Variants in MAP2K4 observed in about 807,000 individuals in gnomAD.
MAP2K4 encodes mitogen-activated protein kinase kinase 4.
MAP2K4 carries 4 observed loss-of-function variants against 48.5 expected under a neutral mutation model. The ratio of observed to expected loss-of-function variants is 0.08; its 90% CI spans 0.04 to 0.19. MAP2K4 has a LOEUF of 0.19. MAP2K4 is among the 10% of genes least tolerant of loss of function. The pLI, the probability that MAP2K4 is intolerant of heterozygous loss-of-function variation, is 1.00. For missense variants in MAP2K4, 258 were observed against 493.3 expected, an observed-to-expected ratio of 0.52 and a Z score of 4.52; for synonymous variants, 166 against 173.1, an observed-to-expected ratio of 0.96 and a Z score of 0.32.
At chr17:12,101,589 AT>A (rs1327435666) in intron 4 of MAP2K4, among the ~76,000 whole-genome samples, 1 of 152,016 alleles carries the variant, frequency 6.6e-6, no homozygotes, top group Non-Finnish European at 1.5e-5. Context: ...TTTTATTGGG[AT>A]TTTTCTAATT....
chr17:12,097,252 T>C (rs1971785965), intron 4 of MAP2K4, among the ~76,000 whole-genome samples: 1 of 152,242 alleles, frequency 6.6e-6, no homozygotes, highest in Non-Finnish European at 1.5e-5. Context: ...CTCTCCTAAC[T>C]AGATTCTGTG....
chr17:12,046,927 A>G (rs1004707512), intron 1 of MAP2K4, among the ~76,000 whole-genome samples: 2 of 151,872 alleles, frequency 1.3e-5, no homozygotes, highest in Admixed American at 1.3e-4. Context: ...CCAAAGAAGG[A>G]CTCCATACAT....
intron 1 of MAP2K4, among the ~76,000 whole-genome samples, chr17:12,041,518 T>C (rs1432302473): frequency 2.0e-5 from 3 of 152,210 alleles, no homozygotes; most frequent in Non-Finnish European, 4.4e-5. Flanking sequence ...ATGCCACATA[T>C]CGTTTTCAAA....
intron 2 of MAP2K4, among the ~76,000 whole-genome samples, chr17:12,063,833 A>G (rs1280744309): frequency 1.3e-5 from 2 of 151,718 alleles, no homozygotes; most frequent in African/African-American, 4.8e-5. Context: ...TTAGCTGGAC[A>G]TGGTGTCGCA....
chr17:12,087,508 A>C (rs1971409407), intron 3 of MAP2K4, among the ~76,000 whole-genome samples: 1 of 152,160 alleles, frequency 6.6e-6, no homozygotes, highest in African/African-American at 2.4e-5. Context: ...AATATAACAC[A>C]TGCTTTTGGA....
intron 1 of MAP2K4, among the ~76,000 whole-genome samples, chr17:12,050,042 A>G (rs1245485035): frequency 6.6e-6 from 1 of 152,220 alleles, no homozygotes; most frequent in Non-Finnish European, 1.5e-5. Flanking sequence ...TGGTGATATC[A>G]GTGGAGTTGA....
intron 1 of MAP2K4, among the ~76,000 whole-genome samples, chr17:12,039,133 G>A (rs1969696294): frequency 1.3e-5 from 2 of 152,134 alleles, no homozygotes; most frequent in Non-Finnish European, 1.5e-5. Flanking sequence ...AACTCTCCTG[G>A]CCTAGACAGA....
chr17:12,072,411 C>G (rs1970846987), intron 2 of MAP2K4, among the ~76,000 whole-genome samples: 4 of 152,088 alleles, frequency 2.6e-5, no homozygotes, highest in Admixed American at 2.6e-4. Flanking sequence ...AGTCTGTGAC[C>G]ATGTATATTC....
At chr17:12,073,255 T>G (rs981006977) in intron 2 of MAP2K4, among the ~76,000 whole-genome samples, 5 of 152,074 alleles carry the variant, frequency 3.3e-5, no homozygotes, top group African/African-American at 1.2e-4. Context: ...AGAAAAAAAC[T>G]GGGGAGAGAT....
chr17:12,049,844 G>A (rs1423819233), intron 1 of MAP2K4, among the ~76,000 whole-genome samples: 2 of 152,150 alleles, frequency 1.3e-5, no homozygotes, highest in African/African-American at 4.8e-5. Flanking sequence ...ATGGACTCAG[G>A]GAGCTGTGGT....
At position 12,041,253 on chromosome 17, in the gene MAP2K4, A is replaced by G. The variant is rs115211411; in HGVS notation, c.116-13636A>G. Among the ~76,000 whole-genome samples the G allele has an allele frequency of 7.5e-3, 1,146 of 152,342 alleles. 12 individuals carry two copies. Among genetic ancestry groups the G allele is most frequent in the African/African-American group, 0.025 (1,027 of 41,586 alleles). ...GGAGTTATTTAATGAGGGTCAAAAG[A>G]AGCCATTTGGATGGGAAGAGGAGTA... On this transcript the variant is annotated intron_variant, in intron 1 of 10. Coordinates refer to ENST00000353533, the MANE Select transcript of MAP2K4 (RefSeq NM_003010.4).
At chr17:12,082,264 T>C (rs1029396657) in intron 3 of MAP2K4, among the ~76,000 whole-genome samples, 1 of 152,204 alleles carries the variant, frequency 6.6e-6, no homozygotes, top group Non-Finnish European at 1.5e-5. Context: ...AATTGTAATT[T>C]ATTCATTTGT....
At chr17:12,129,420 C>A in intron 9 of MAP2K4, 133 bp downstream of exon 9, 3 of 978,860 alleles carry the variant, frequency 3.1e-6, no homozygotes, top group Non-Finnish European at 4.7e-6. Context: ...CAAGCTGGGA[C>A]TCTGGATCAC....
chr17:12,071,481 A>T (rs890636857), intron 2 of MAP2K4, among the ~76,000 whole-genome samples: 2 of 152,204 alleles, frequency 1.3e-5, no homozygotes, highest in African/African-American at 2.4e-5. Context: ...GAAAATTCAT[A>T]GGAGAAAGAG....
rs375992339 is a variant in MAP2K4, at chr17:12,063,298, C to T, written c.218+8307C>T. On this transcript the variant is annotated intron_variant, in intron 2 of 10. Transcript: ENST00000353533. Reference sequence around the variant, plus strand: ...TTGGTGGAAGGATATTAAGGATAAACGAATAGATCAATGCAATATAATAGA... The same window carrying T: ...TTGGTGGAAGGATATTAAGGATAAATGAATAGATCAATGCAATATAATAGA... Among the ~76,000 whole-genome samples the T allele has an allele frequency of 3.9e-5, 6 of 152,130 alleles. No homozygotes were observed. In the South Asian group the frequency reaches 8.3e-4, roughly 21 times the overall value.
chr17:12,100,236 C>A (rs1174791310), intron 4 of MAP2K4, among the ~76,000 whole-genome samples: 1 of 152,190 alleles, frequency 6.6e-6, no homozygotes, highest in African/African-American at 2.4e-5. Context: ...TCTCTGCTGT[C>A]CCCATTCTCA....
intron 2 of MAP2K4, among the ~76,000 whole-genome samples, chr17:12,078,676 G>A (rs1161010349): frequency 6.6e-6 from 1 of 152,088 alleles, no homozygotes; most frequent in African/African-American, 2.4e-5. Flanking sequence ...ATCTTTATTG[G>A]TTTGTATTTT....
chr17:12,084,527 A>G (rs1434656168), intron 3 of MAP2K4, among the ~76,000 whole-genome samples: 1 of 152,198 alleles, frequency 6.6e-6, no homozygotes, highest in Non-Finnish European at 1.5e-5. Context: ...AACTCTTACC[A>G]GGGATTTACT....
intron 1 of MAP2K4, among the ~76,000 whole-genome samples, chr17:12,032,083 A>G (rs1015568005): frequency 1.1e-4 from 16 of 152,182 alleles, no homozygotes; most frequent in African/African-American, 3.9e-4. Context: ...TTACATCTAC[A>G]TCTGACAGAG....
Sources: allele counts gnomAD v4.1 joint callset (sites outside exome capture counted in the v4.1 genomes callset), GRCh38; gene constraint gnomAD v4.1.1; transcripts MANE v1.5; gene names NCBI Gene and HGNC (gene_info 2026-07-23, HGNC 2026-07-21).